MADD: variants seen among roughly 807,000 people sequenced by gnomAD.
MADD encodes MAP kinase activating death domain.
In MADD, 109 loss-of-function variants were observed where a neutral mutation model predicts 176.7. The ratio of observed to expected loss-of-function variants is 0.62; its 90% CI spans 0.53 to 0.72. The LOEUF (loss-of-function observed/expected upper bound fraction) is 0.72. Among genes scored for constraint, MADD ranks in the 30% least tolerant of loss-of-function variants. The probability of loss-of-function intolerance (pLI) is 0.00; values close to 1 mark genes in which losing one functional copy is unlikely to be tolerated. For missense variants in MADD, 1,914 were observed against 2,045.5 expected (o/e 0.94, Z 1.24); for synonymous variants, 771 against 771.3 (o/e 1.00, Z 0.01).
chr11:47,323,069 C>T (rs1433799468), intron 27 of MADD, among the ~76,000 whole-genome samples: 3 of 152,006 alleles, frequency 2.0e-5, no homozygotes, highest in Non-Finnish European at 4.4e-5. Context: ...GAAACCCTGT[C>T]TCTACTAAAA....
chr11:47,282,853 G>C, exon 10 of MADD: 2 of 1,614,074 alleles, frequency 1.2e-6, no homozygotes, highest in South Asian at 1.1e-5. Context: ...AGCCAAAGTG[G>C]TATGCTCATC....
exon 8 of MADD, chr11:47,281,639 A>G (rs762993017): frequency 6.2e-6 from 10 of 1,613,784 alleles, no homozygotes; most frequent in Non-Finnish European, 8.5e-6. Context: ...CATGAGGGCC[A>G]GGAGATCCCC....
chr11:47,272,569 A>G (rs1292544506), intron 1 of MADD, among the ~76,000 whole-genome samples: 1 of 152,198 alleles, frequency 6.6e-6, no homozygotes, highest in African/African-American at 2.4e-5. Flanking sequence ...ATCCTGGAAC[A>G]CTAGAAATAT....
intron 23 of MADD, 92 bp from the exon 27 acceptor site, chr11:47,309,189 C>T: frequency 6.4e-7 from 1 of 1,557,774 alleles, no homozygotes; most frequent in Admixed American, 1.9e-5. Flanking sequence ...TGTAATTATT[C>T]CCTTTTATCT....
chr11:47,282,920 C>T, exon 10 of MADD: 10 of 1,613,984 alleles, frequency 6.2e-6, no homozygotes, highest in Non-Finnish European at 8.5e-6. Context: ...GGCTGAGGCC[C>T]TGAGTGTACC....
rs1373499728 is a variant in MADD at position 47,326,815 on chromosome 11, C to T, written c.4612+8C>T. 3 of 1,614,034 alleles carry T rather than the reference C, an allele frequency of 1.9e-6. No homozygotes were observed. Among genetic ancestry groups the T allele is most frequent in the Non-Finnish European group, 2.5e-6 (3 of 1,179,976 alleles). ...TTGTCCTGGAGGAATTTGGTAATTACACTATTTTGCTCTTAGGTCTGGACT... is the reference window on the plus strand; with the variant it reads ...TTGTCCTGGAGGAATTTGGTAATTATACTATTTTGCTCTTAGGTCTGGACT... On this transcript the variant is annotated splice_region_variant and intron_variant, in intron 31 of 32. Coordinates refer to ENST00000402192, the Ensembl canonical transcript of MADD.
chr11:47,269,643 A>C (rs1958327243), upstream of MADD: 1 of 143,472 alleles, frequency 7.0e-6, no homozygotes. Flanking sequence ...CGCCCGGTGG[A>C]GGTAACCGCG....
chr11:47,315,536 T>G lies in MADD; in HGVS notation c.4197+209T>G, dbSNP rs1266830657. Reference sequence around the variant, plus strand: ...GTCACCCAGGCTGGAGTGTAGTGGCTTGATCTCGGCTCACTGCAACCTCCG... The same window carrying G: ...GTCACCCAGGCTGGAGTGTAGTGGCGTGATCTCGGCTCACTGCAACCTCCG... On this transcript the variant is annotated intron_variant, in intron 27 of 32. Transcript: ENST00000402192. Among the ~76,000 whole-genome samples, 4 of 150,830 alleles carry G rather than the reference T, an allele frequency of 2.7e-5. No individual in the cohort carries two copies. The East Asian group carries it at 6.0e-4, about 23-fold the overall frequency.
chr11:47,278,346 ATC>A, intron 6 of MADD, 68 bp downstream of exon 6: 1 of 1,139,818 alleles, frequency 8.8e-7, no homozygotes, highest in Non-Finnish European at 1.3e-6. Context: ...GTCCTGAGAT[ATC>A]TGTTTCTAGA....
In MADD at chr11:47,285,237, C is replaced by G. The variant is rs771948391; in HGVS notation, c.2411+43C>G. On this transcript the variant is annotated intron_variant, in intron 13 of 32. Coordinates refer to ENST00000402192, the Ensembl canonical transcript of MADD. ...CCTTCTAGATGGGTGACTGAAGGAC[C>G]TCACCTCAGTGGACCCTGGGCAAGG... is the stretch of plus-strand genomic sequence containing the variant. 5.0e-6 allele frequency: 8 copies of G among 1,601,188 alleles called. No homozygotes were observed. The Admixed American group carries it at 1.3e-4, about 27-fold the overall frequency.
intron 7 of MADD, among the ~76,000 whole-genome samples, chr11:47,280,176 A>G (rs1489520703): frequency 2.6e-5 from 4 of 152,230 alleles, no homozygotes; most frequent in African/African-American, 7.2e-5. Context: ...AAGGTAACAC[A>G]TGACAAAGCT....
In MADD at chr11:47,296,484, T is replaced by C. The variant is rs144771516; in HGVS notation, c.3642+429T>C. ...AATAAAATAGCATTTTATTTTAGTA[T>C]ATTCCTAACAGTTATTTGAAGTTTT... On this transcript the variant is annotated intron_variant, in intron 22 of 32. Transcript: ENST00000402192. 1.9e-4 allele frequency among the ~76,000 whole-genome samples: 29 copies of C among 152,354 alleles called. No individual in the cohort carries two copies. In the East Asian group the frequency reaches 5.2e-3, roughly 27 times the overall value.
At chr11:47,301,947 G>A (rs2078090403) in intron 22 of MADD, among the ~76,000 whole-genome samples, 1 of 152,120 alleles carries the variant, frequency 6.6e-6, no homozygotes, top group African/African-American at 2.4e-5. Context: ...GTAAATGTCT[G>A]TTAGGTCCAT....
intron 7 of MADD, among the ~76,000 whole-genome samples, chr11:47,279,485 C>T (rs1392384637): frequency 2.7e-5 from 4 of 149,950 alleles, no homozygotes; most frequent in East Asian, 2.1e-4. Context: ...TCTGAGTTCA[C>T]GCCATTCTTC....
chr11:47,282,582 C>T (rs371696631), exon 9 of MADD: 2 of 1,614,208 alleles, frequency 1.2e-6, no homozygotes, highest in Non-Finnish European at 1.7e-6. Flanking sequence ...GGATCCTTAA[C>T]CCCACCAACT....
intron 31 of MADD, 104 bp from the exon 36 acceptor site, chr11:47,328,554 A>ACGCC: frequency 6.4e-7 from 1 of 1,566,582 alleles, no homozygotes; most frequent in Non-Finnish European, 8.7e-7. Context: ...GAGGCCACAG[A>ACGCC]GGGGAAGGGG....
chr11:47,274,352 C>T (rs1375530204), intron 2 of MADD, among the ~76,000 whole-genome samples: 2 of 152,142 alleles, frequency 1.3e-5, no homozygotes, highest in South Asian at 2.1e-4. Flanking sequence ...CAAAATCTCC[C>T]CTTCGTTTCA....
In MADD at chr11:47,290,319, G is replaced by C; in HGVS notation, c.3094+20G>C. Reference sequence around the variant, plus strand: ...GTAAAGGTAGGGATCGTACTTGCTGGGCACCACGCCATCCCTAACTCTGCC... The same window carrying C: ...GTAAAGGTAGGGATCGTACTTGCTGCGCACCACGCCATCCCTAACTCTGCC... On this transcript the variant is annotated intron_variant, in intron 18 of 32. Coordinates refer to ENST00000402192, the Ensembl canonical transcript of MADD. 1 of 1,609,912 alleles carries C rather than the reference G, an allele frequency of 6.2e-7. No homozygotes were observed. The highest frequency in any genetic ancestry group is 8.5e-7 in the Non-Finnish European group (1 of 1,177,020).
chr11:47,320,442 A>G (rs1468779195), intron 27 of MADD, among the ~76,000 whole-genome samples: 2 of 151,344 alleles, frequency 1.3e-5, no homozygotes, highest in Non-Finnish European at 2.9e-5. Context: ...GCGACAGAGC[A>G]AGACTCCGTC....
Sources: gnomAD v4.1 joint callset for allele counts (sites outside exome capture counted in the v4.1 genomes callset) on GRCh38, gnomAD v4.1.1 for gene constraint, MANE v1.5 for transcripts, NCBI Gene and HGNC (gene_info 2026-07-23, HGNC 2026-07-21) for gene names.